Variants in ZNF516 observed in about 807,000 individuals in gnomAD.
ZNF516 encodes zinc finger protein 516.
In ZNF516, 19 loss-of-function variants were observed where a neutral mutation model predicts 79.7. That is an observed-to-expected ratio of 0.24 (90% CI 0.17 to 0.35). ZNF516 has a LOEUF of 0.35. Ranked by LOEUF, ZNF516 falls within the 10% of genes least tolerant of loss-of-function variation. ZNF516 has a pLI of 1.00. For synonymous variants in ZNF516, 877 were observed against 739.5 expected, an observed-to-expected ratio of 1.19 and a Z score of -3.02; for missense variants, 1,678 against 1,679.5, an observed-to-expected ratio of 1.00 and a Z score of 0.02.
intron 1 of ZNF516, among the ~76,000 whole-genome samples, chr18:76,470,169 C>T (rs1158827694): frequency 6.6e-6 from 1 of 152,154 alleles, no homozygotes; most frequent in Non-Finnish European, 1.5e-5. Context: ...TTTGGAACCG[C>T]CCATTGGTGG....
intron 1 of ZNF516, 142 bp from the exon 2 acceptor site, chr18:76,463,283 C>G (rs1315403796): frequency 6.6e-6 from 1 of 152,198 alleles, no homozygotes; most frequent in Admixed American, 6.5e-5. Context: ...TTAAATCACC[C>G]CAAGTGGGGC....
intron 4 of ZNF516, among the ~76,000 whole-genome samples, chr18:76,375,830 G>C (rs1446725364): frequency 6.6e-6 from 1 of 151,050 alleles, no homozygotes; most frequent in Non-Finnish European, 1.5e-5. Context: ...CGAAGACCAG[G>C]TAGAAGATGG....
At chr18:76,412,495 C>A (rs2075383770) in intron 3 of ZNF516, among the ~76,000 whole-genome samples, 1 of 152,164 alleles carries the variant, frequency 6.6e-6, no homozygotes, top group African/African-American at 2.4e-5. Flanking sequence ...CCGACGGGAG[C>A]CCACACACTC....
chr18:76,370,167 T>C (rs147746880), intron 6 of ZNF516, among the ~76,000 whole-genome samples: 3 of 152,182 alleles, frequency 2.0e-5, no homozygotes, highest in African/African-American at 7.2e-5. Flanking sequence ...AAAATAATGT[T>C]CTTCAAGGAG....
At chr18:76,416,055 TAA>T (rs1469064419) in intron 3 of ZNF516, among the ~76,000 whole-genome samples, 1 of 152,222 alleles carries the variant, frequency 6.6e-6, no homozygotes, top group Non-Finnish European at 1.5e-5. Context: ...CCTCCTGTAC[TAA>T]GTGTGCAACT....
chr18:76,495,701 T>G (rs954655837), upstream of ZNF516: 3 of 1,189,960 alleles, frequency 2.5e-6, no homozygotes, highest in Non-Finnish European at 3.2e-6. Context: ...CGTACAGACG[T>G]GCTCGGGATG....
rs578180543 is a variant in ZNF516, at chr18:76,459,210, T to C, written c.-158+3818A>G. On this transcript the variant is annotated intron_variant, in intron 2 of 6. Transcript: ENST00000443185. The surrounding 1 kb of genome is among the most constrained non-coding windows in gnomAD (Gnocchi z 5.0). ...GGGCCCACCTGCTGCCCCTCTCCTG[T>C]GCATAGGGCGCTCTCTCCCTGCCCC... Among the ~76,000 whole-genome samples, 57 of 152,322 alleles carry C rather than the reference T, an allele frequency of 3.7e-4. No homozygotes were observed. Among genetic ancestry groups the C allele is most frequent in the African/African-American group, 1.3e-3 (53 of 41,574 alleles).
rs778455729 is a variant in ZNF516, at chr18:76,441,264, G to A, written c.1791C>T (p.Gly597=). ...GCTCACCTGGTGCAGGTTCAGGGGC[G>A]CCCTCCTCACCACTGTCTTCGGCAG... ...DEAAEDSGEE[G]APEPAPGGQP... The change falls in exon 3 of 7, where the codon GGC becomes GGT. Residue 597 remains glycine (G), a synonymous_variant. Transcript: ENST00000443185. 10 of 1,610,036 alleles carry A rather than the reference G, an allele frequency of 6.2e-6. No homozygotes were observed. The Admixed American group carries it at 1.2e-4, about 19-fold the overall frequency.
At chr18:76,363,281 A>C (rs1414853465) in intron 6 of ZNF516, among the ~76,000 whole-genome samples, 1 of 152,234 alleles carries the variant, frequency 6.6e-6, no homozygotes, top group Non-Finnish European at 1.5e-5. Flanking sequence ...TTCAGCTAAA[A>C]TCTTGATGAA....
intron 2 of ZNF516, among the ~76,000 whole-genome samples, chr18:76,458,016 G>A (rs1035531433): frequency 6.6e-6 from 1 of 152,100 alleles, no homozygotes; most frequent in East Asian, 1.9e-4. Context: ...TATCCACCTC[G>A]GCTGGATACG....
rs1460841999 is a variant in ZNF516 at position 76,493,306 on chromosome 18, A to G, written c.-272+1838T>C. The G allele has an allele frequency of 4.3e-5, 5 of 115,710 alleles. No individual in the cohort carries two copies. Among genetic ancestry groups the G allele is most frequent in the Non-Finnish European group, 6.6e-5 (5 of 75,620 alleles). The allele number at this position is 115,710 out of a possible 1,614,324, so 7.2% of individuals were successfully genotyped here. A position where few individuals can be genotyped will look rare whatever the true frequency, so the allele number is the denominator to read the frequency against. On this transcript the variant is annotated intron_variant, in intron 1 of 6. Coordinates refer to ENST00000443185, the MANE Select transcript of ZNF516 (RefSeq NM_014643.4). This position sits in a 1 kb window ranked among gnomAD's most constrained non-coding sequence, Gnocchi z 5.2. ...AGGCGGAAAGGGAGCTCCGAGAAAG[A>G]AGGAGGGGTCATTCCGCGGGGGGCG...
Position 76,360,998 on chromosome 18 carries a change from A to G in ZNF516, c.*1500T>C, listed in dbSNP as rs953509543. 10 of 151,866 alleles carry G rather than the reference A, an allele frequency of 6.6e-5. No homozygotes were observed. The highest frequency in any genetic ancestry group is 1.2e-4 in the Non-Finnish European group (8 of 67,982). 9.4% of individuals were successfully genotyped at this position (151,866 alleles called of 1,614,324 possible). A position where few individuals can be genotyped will look rare whatever the true frequency, so the allele number is the denominator to read the frequency against. On this transcript the variant is annotated 3_prime_UTR_variant, in exon 7 of 7. Transcript: ENST00000443185. The stretch of plus-strand genomic sequence containing the variant: ...AAACTGTTGCTCTCGCCAGTATTAA[A>G]GGTTAGGATAATTTCTGTACATGTA...
intron 3 of ZNF516, among the ~76,000 whole-genome samples, chr18:76,402,151 G>A (rs1195923890): frequency 1.3e-5 from 2 of 152,150 alleles, no homozygotes; most frequent in Non-Finnish European, 2.9e-5. Context: ...TGAAGACATC[G>A]CCTCGGTCAA....
chr18:76,460,949 G>A (rs746871749), intron 2 of ZNF516, among the ~76,000 whole-genome samples: 14 of 152,144 alleles, frequency 9.2e-5, no homozygotes, highest in Admixed American at 3.3e-4. Flanking sequence ...TTAGGAACCC[G>A]AGGCAAGTGG....
intron 3 of ZNF516, among the ~76,000 whole-genome samples, chr18:76,383,011 G>A (rs532475481): frequency 5.7e-4 from 84 of 148,464 alleles, no homozygotes; most frequent in Admixed American, 8.7e-4. Flanking sequence ...ACTCCAGCCT[G>A]GGCAACAGAG....
At chr18:76,444,418 G>T (rs966857168) in intron 2 of ZNF516, among the ~76,000 whole-genome samples, 1 of 152,194 alleles carries the variant, frequency 6.6e-6, no homozygotes, top group Non-Finnish European at 1.5e-5. Context: ...AAGTGATTTC[G>T]CATAGAAAGG....
chr18:76,470,634 G>A (rs1913772143), intron 1 of ZNF516, among the ~76,000 whole-genome samples: 1 of 152,192 alleles, frequency 6.6e-6, no homozygotes. Context: ...CAAAAGCACT[G>A]AAGTTCTACC....
At chr18:76,461,222 G>A (rs774906792) in intron 2 of ZNF516, among the ~76,000 whole-genome samples, 7 of 152,086 alleles carry the variant, frequency 4.6e-5, no homozygotes, top group South Asian at 4.1e-4. Flanking sequence ...CATACTGAAC[G>A]GGGCTGACTT....
chr18:76,434,673 T>C (rs1041845512), intron 3 of ZNF516, among the ~76,000 whole-genome samples: 1 of 152,208 alleles, frequency 6.6e-6, no homozygotes, highest in South Asian at 2.1e-4. Flanking sequence ...AGATGCAGAA[T>C]CTGAGCCGTC....
Sources: allele counts gnomAD v4.1 joint callset (sites outside exome capture counted in the v4.1 genomes callset), GRCh38; gene constraint gnomAD v4.1.1; non-coding constraint Gnocchi (gnomAD v3.1); transcripts MANE v1.5; gene names NCBI Gene and HGNC (gene_info 2026-07-23, HGNC 2026-07-21).